Variants in ROCK1 observed in about 807,000 individuals in gnomAD.
The protein encoded by ROCK1 is Rho associated coiled-coil containing protein kinase 1.
In ROCK1, 36 loss-of-function variants were observed where a neutral mutation model predicts 196.8. The observed-to-expected ratio is 0.18, with a 90% confidence interval of 0.14 to 0.24. The LOEUF is 0.24. ROCK1 is among the 10% of genes least tolerant of loss of function. The pLI is 1.00. For synonymous variants in ROCK1, 443 were observed against 515.9 expected (o/e 0.86, Z 1.91); for missense variants, 920 against 1,562.0 (o/e 0.59, Z 6.93).
intron 1 of ROCK1, 33 bp downstream of exon 1, chr18:21,110,785 C>T (rs2036744015): frequency 1.3e-6 from 2 of 1,564,328 alleles, no homozygotes; most frequent in South Asian, 1.1e-5. Flanking sequence ...CATGCAAAAC[C>T]CCAGACAAGC....
intron 16 of ROCK1, among the ~76,000 whole-genome samples, chr18:20,995,704 C>T (rs1227498935): frequency 6.6e-6 from 1 of 152,088 alleles, no homozygotes; most frequent in Non-Finnish European, 1.5e-5. Flanking sequence ...CAGCTCAGCG[C>T]AGAGAGACTC....
Position 20,968,825 on chromosome 18 carries a change from G to C in ROCK1, c.2950C>G (p.Leu984Val), listed in dbSNP as rs777802918. ...KLEKEEEISN[L>V]KAAFEKNINT... is the part of the protein sequence containing the mutation. ...ATATTCTTTTCAAAGGCAGCCTTAA[G>C]ATTACTGATCTCCTCCTCCTTCTCC... is the stretch of plus-strand genomic sequence containing the variant. The change falls in exon 25 of 33, where the codon CTT becomes GTT. Residue 984 changes from leucine to valine, a missense_variant. By Grantham distance (32) the Leu-to-Val change is conservative. Around this residue, in one of 6 missense-constraint regions of ROCK1, gnomAD observed 520 missense variants for 657.1 expected, o/e 0.79. Coordinates refer to ENST00000399799, the MANE Select transcript of ROCK1 (RefSeq NM_005406.3). The C allele has an allele frequency of 6.8e-6, 11 of 1,608,592 alleles. No individual in the cohort carries two copies. The East Asian group carries it at 2.2e-4, about 33-fold the overall frequency.
rs73431090 is a variant in ROCK1, at chr18:20,993,052, G to A, written c.1886-115C>T. On this transcript the variant is annotated intron_variant, in intron 16 of 32. Transcript: ENST00000399799. ...TTTAATGTATTAAGTTTCCTGATCCGATAAGATTTTATTAAGTGTTTTCAC... is the reference window on the plus strand; with the variant it reads ...TTTAATGTATTAAGTTTCCTGATCCAATAAGATTTTATTAAGTGTTTTCAC... 4,537 of 596,186 alleles carry A rather than the reference G, an allele frequency of 7.6e-3. 156 individuals carry two copies. Among genetic ancestry groups the A allele is most frequent in the African/African-American group, 0.075 (4,029 of 53,550 alleles). 36.9% of individuals were successfully genotyped at this position (596,186 alleles called of 1,614,324 possible).
At chr18:21,052,689 G>C (rs1342789953) in intron 2 of ROCK1, among the ~76,000 whole-genome samples, 1 of 152,092 alleles carries the variant, frequency 6.6e-6, no homozygotes, top group Admixed American at 6.6e-5. Flanking sequence ...ACCCTATTGT[G>C]AACTGCACAT....
At chr18:21,006,836 G>A in intron 14 of ROCK1, 46 bp from the exon 15 acceptor site, 2 of 1,250,390 alleles carry the variant, frequency 1.6e-6, no homozygotes, top group Admixed American at 2.3e-5. Context: ...CATTTTCATA[G>A]GGGAAACATA....
chr18:21,076,918 T>G (rs2036436778), intron 1 of ROCK1, among the ~76,000 whole-genome samples: 1 of 151,904 alleles, frequency 6.6e-6, no homozygotes, highest in African/African-American at 2.4e-5. Flanking sequence ...GTTATGGCAG[T>G]TTACTTGCTC....
At chr18:21,043,029 C>T (rs1467651769) in intron 6 of ROCK1, among the ~76,000 whole-genome samples, 1 of 152,050 alleles carries the variant, frequency 6.6e-6, no homozygotes, top group East Asian at 1.9e-4. Flanking sequence ...GAAAAACATA[C>T]TGCCACATTT....
chr18:20,986,463 G>A (rs746503516), intron 19 of ROCK1, among the ~76,000 whole-genome samples: 3 of 152,064 alleles, frequency 2.0e-5, no homozygotes, highest in Non-Finnish European at 4.4e-5. Context: ...TTCAGTCTTA[G>A]AAATAATTTC....
At chr18:21,078,265 G>T (rs908404552) in intron 1 of ROCK1, among the ~76,000 whole-genome samples, 4 of 151,824 alleles carry the variant, frequency 2.6e-5, no homozygotes, top group Non-Finnish European at 5.9e-5. Flanking sequence ...GGAGGCAGGG[G>T]CTGCAATGAG....
chr18:20,970,247 G>C, intron 23 of ROCK1, 101 bp downstream of exon 23: 1 of 794,920 alleles, frequency 1.3e-6, no homozygotes, highest in Admixed American at 2.4e-5. Flanking sequence ...TATTAACATA[G>C]AAGTAAATAC....
chr18:21,006,048 T>C (rs2035765712), intron 16 of ROCK1, among the ~76,000 whole-genome samples: 1 of 152,208 alleles, frequency 6.6e-6, no homozygotes, highest in Non-Finnish European at 1.5e-5. Context: ...TATAAAATAT[T>C]CCTTCCATTG....
At chr18:20,971,345 T>TATAC (rs1555744436) in intron 22 of ROCK1, among the ~76,000 whole-genome samples, 2 of 147,544 alleles carry the variant, frequency 1.4e-5, no homozygotes, top group Non-Finnish European at 3.0e-5. Flanking sequence ...CACACACACA[T>TATAC]ACACACAGAA....
rs1598562710 is a variant in ROCK1, at chr18:21,098,956, AACAG to A, written c.93+11858_93+11861del. On this transcript the variant is annotated intron_variant, in intron 1 of 32. Coordinates refer to ENST00000399799, the MANE Select transcript of ROCK1 (RefSeq NM_005406.3). ...CTTACAACATATTGTTGGTGAGGAC[AACAG>A]ACAATCCCATATCATTACTAGTGGA... Among the ~76,000 whole-genome samples, 3 of 152,234 alleles carry A rather than the reference AACAG, an allele frequency of 2.0e-5. 1 individual carries two copies. The East Asian group carries it at 5.8e-4, about 29-fold the overall frequency.
chr18:20,954,664 A>G, intron 31 of ROCK1, 119 bp downstream of exon 31: 1 of 1,059,062 alleles, frequency 9.4e-7, no homozygotes, highest in East Asian at 2.6e-5. Context: ...ACCAGTGTCA[A>G]AATAATACTT....
At chr18:21,014,375 GTTTGT>G (rs533669613) in intron 13 of ROCK1, among the ~76,000 whole-genome samples, 1 of 152,102 alleles carries the variant, frequency 6.6e-6, no homozygotes, top group Non-Finnish European at 1.5e-5. Flanking sequence ...ATCTTTTCAT[GTTTGT>G]TTTATGTTTA....
At chr18:21,064,376 A>AT (rs201967347) in intron 2 of ROCK1, among the ~76,000 whole-genome samples, 5,640 of 152,234 alleles carry the variant, frequency 0.037, 344 homozygotes, top group African/African-American at 0.13. Context: ...TCTTTACCCC[A>AT]TTCAAGATCT....
intron 2 of ROCK1, among the ~76,000 whole-genome samples, chr18:21,065,098 T>C (rs561497741): frequency 2.0e-5 from 3 of 152,214 alleles, no homozygotes; most frequent in African/African-American, 7.2e-5. Flanking sequence ...TAAAATGTCA[T>C]TGGTGCCACT....
At chr18:20,998,888 C>A (rs1034300108) in intron 16 of ROCK1, among the ~76,000 whole-genome samples, 1 of 151,992 alleles carries the variant, frequency 6.6e-6, no homozygotes, top group African/African-American at 2.4e-5. Flanking sequence ...GGATTACAAT[C>A]GTGAGCCACC....
At chr18:20,963,258 C>T (rs2035343707) in intron 27 of ROCK1, among the ~76,000 whole-genome samples, 1 of 152,066 alleles carries the variant, frequency 6.6e-6, no homozygotes, top group Non-Finnish European at 1.5e-5. Flanking sequence ...AAGAGACAAT[C>T]TAACTACATG....
Sources: allele counts gnomAD v4.1 joint callset (sites outside exome capture counted in the v4.1 genomes callset), GRCh38; gene constraint gnomAD v4.1.1; regional missense constraint gnomAD v4.1.1; transcripts MANE v1.5; gene names NCBI Gene and HGNC (gene_info 2026-07-23, HGNC 2026-07-21).